NFAT5: variants seen among roughly 807,000 people sequenced by gnomAD.
The protein encoded by NFAT5 is nuclear factor of activated T-cells 5.
In NFAT5, 31 loss-of-function variants were observed where a neutral mutation model predicts 166.5. That is an observed-to-expected ratio of 0.19 (90% CI 0.14 to 0.25). The LOEUF (loss-of-function observed/expected upper bound fraction) is 0.25. Ranked by LOEUF, NFAT5 falls within the 10% of genes least tolerant of loss-of-function variation. The pLI is 1.00. For synonymous variants in NFAT5, 612 were observed against 639.7 expected (o/e 0.96, Z 0.65); for missense variants, 1,449 against 1,821.8 (o/e 0.80, Z 3.72).
rs1158095809 is a variant in NFAT5 at position 69,693,780 on chromosome 16, C to G, written c.3955C>G (p.Gln1319Glu). The G allele has an allele frequency of 1.2e-6, 2 of 1,614,222 alleles. No homozygotes were observed. Among genetic ancestry groups the G allele is most frequent in the Non-Finnish European group, 1.7e-6 (2 of 1,180,040 alleles). ...FNPNQNPMANQEQQNQSIFHQ... is the reference protein window; with the variant it reads ...FNPNQNPMANEEQQNQSIFHQ... ...CCCAAATCAAAATCCAATGGCTAATCAGGAGCAACAGAACCAGTCAATTTT... is the reference window on the plus strand; with the variant it reads ...CCCAAATCAAAATCCAATGGCTAATGAGGAGCAACAGAACCAGTCAATTTT... Residue 1319 changes from glutamine to glutamate, a missense_variant, in exon 13 of 15, where the codon CAG becomes GAG. Gln to Glu is a conservative substitution (Grantham distance 29). Transcript: ENST00000349945.
chr16:69,662,328 T>C (rs1316896316), intron 7 of NFAT5, among the ~76,000 whole-genome samples: 7 of 152,162 alleles, frequency 4.6e-5, no homozygotes, highest in African/African-American at 1.7e-4. Context: ...TGTATAAATA[T>C]GCTCCCTGGA....
chr16:69,684,255 CAAAAAA>C (rs558716074), intron 10 of NFAT5, among the ~76,000 whole-genome samples: 1 of 84,448 alleles, frequency 1.2e-5, no homozygotes. Context: ...GAGACTGCCT[CAAAAAA>C]AAAAAAAAAA....
intron 2 of NFAT5, among the ~76,000 whole-genome samples, chr16:69,614,049 A>C (rs2033823739): frequency 6.6e-6 from 1 of 152,222 alleles, no homozygotes; most frequent in South Asian, 2.1e-4. Flanking sequence ...TTTTCAACTA[A>C]AATATTTGGT....
At chr16:69,694,502 G>T (rs1433238103) in intron 13 of NFAT5, among the ~76,000 whole-genome samples, 2 of 152,098 alleles carry the variant, frequency 1.3e-5, no homozygotes, top group African/African-American at 4.8e-5. Context: ...TGATCCGCTG[G>T]CCTCGGCCTC....
At chr16:69,567,953 T>G (rs959349688) in intron 1 of NFAT5, among the ~76,000 whole-genome samples, 1 of 152,152 alleles carries the variant, frequency 6.6e-6, no homozygotes, top group African/African-American at 2.4e-5. Flanking sequence ...TCGAGACCAA[T>G]GTAGAGACAA....
At chr16:69,677,087 T>C (rs1482069775) in intron 9 of NFAT5, 116 bp from the exon 10 acceptor site, 1 of 992,488 alleles carries the variant, frequency 1.0e-6, no homozygotes, top group East Asian at 2.7e-5. Flanking sequence ...TAAAATGCAT[T>C]CTTTTTTTTT....
At chr16:69,654,887 A>G (rs759854050) in intron 5 of NFAT5, among the ~76,000 whole-genome samples, 1 of 152,206 alleles carries the variant, frequency 6.6e-6, no homozygotes, top group Non-Finnish European at 1.5e-5. Context: ...TCTGCATTCT[A>G]TATTAGGAGC....
At chr16:69,568,334 G>GTATATATATATA (rs371948858) in intron 1 of NFAT5, among the ~76,000 whole-genome samples, 161 bp from the exon 2 acceptor site, 1 of 133,428 alleles carries the variant, frequency 7.5e-6, no homozygotes, top group East Asian at 2.4e-4. Flanking sequence ...ATGTATGTGT[G>GTATATATATATA]TATATATATA....
At chr16:69,604,164 C>G (rs1338475868) in intron 2 of NFAT5, among the ~76,000 whole-genome samples, 1 of 152,102 alleles carries the variant, frequency 6.6e-6, no homozygotes, top group Non-Finnish European at 1.5e-5. Flanking sequence ...AGCAGCAGAG[C>G]TGGGATTTAA....
At chr16:69,636,807 G>A (rs1254122551) in intron 3 of NFAT5, among the ~76,000 whole-genome samples, 2 of 152,110 alleles carry the variant, frequency 1.3e-5, no homozygotes, top group Non-Finnish European at 2.9e-5. Flanking sequence ...TGATGGGAGG[G>A]GCTGCCACAA....
chr16:69,593,116 A>G (rs1304084413), intron 2 of NFAT5, among the ~76,000 whole-genome samples: 4 of 152,204 alleles, frequency 2.6e-5, no homozygotes, highest in East Asian at 1.9e-4. Context: ...TTATGTATAT[A>G]CATACTCTTA....
intron 4 of NFAT5, among the ~76,000 whole-genome samples, chr16:69,650,283 CTT>C (rs1372341208): frequency 6.6e-6 from 1 of 151,984 alleles, no homozygotes; most frequent in East Asian, 1.9e-4. Flanking sequence ...CTGACTGCTA[CTT>C]TATTTTTTCT....
At chr16:69,568,374 G>A (rs1194137234) in intron 1 of NFAT5, 121 bp from the exon 2 acceptor site, 10 of 359,264 alleles carry the variant, frequency 2.8e-5, no homozygotes, top group East Asian at 1.3e-4. Context: ...GTGTGTGTGT[G>A]TGTATATATA....
At chr16:69,626,553 A>G (rs780928194) in intron 3 of NFAT5, 25 bp downstream of exon 3, 29 of 1,503,812 alleles carry the variant, frequency 1.9e-5, no homozygotes, top group Non-Finnish European at 2.5e-5. Flanking sequence ...TTACTTTATT[A>G]AAGAAAACTA....
At chr16:69,636,341 G>T (rs1010580169) in intron 3 of NFAT5, among the ~76,000 whole-genome samples, 9 of 152,162 alleles carry the variant, frequency 5.9e-5, no homozygotes, top group African/African-American at 2.2e-4. Context: ...GCATGATGCA[G>T]GTTGTCAGTG....
At chr16:69,606,130 A>C (rs1216402855) in intron 2 of NFAT5, among the ~76,000 whole-genome samples, 1 of 152,194 alleles carries the variant, frequency 6.6e-6, no homozygotes. Context: ...TTGCCTCTGG[A>C]AAGGGCTATA....
intron 3 of NFAT5, among the ~76,000 whole-genome samples, chr16:69,630,195 G>A (rs1831932608): frequency 6.6e-6 from 1 of 151,856 alleles, no homozygotes; most frequent in African/African-American, 2.4e-5. Flanking sequence ...GCTGATTTTT[G>A]TGTTTTTTGT....
intron 11 of NFAT5, among the ~76,000 whole-genome samples, chr16:69,687,131 G>A (rs1183545064): frequency 2.0e-5 from 3 of 152,052 alleles, no homozygotes; most frequent in Admixed American, 6.6e-5. Flanking sequence ...TGTTTTTGGT[G>A]GGACTAGACT....
intron 4 of NFAT5, among the ~76,000 whole-genome samples, chr16:69,649,967 T>TA (rs60569484): frequency 3.0e-4 from 44 of 146,952 alleles, no homozygotes; most frequent in Admixed American, 6.8e-4. Flanking sequence ...ATAAAACCAT[T>TA]AAAAAAAAAA....
Sources: gnomAD v4.1 joint callset for allele counts (sites outside exome capture counted in the v4.1 genomes callset) on GRCh38, gnomAD v4.1.1 for gene constraint, MANE v1.5 for transcripts, NCBI Gene and HGNC (gene_info 2026-07-23, HGNC 2026-07-21) for gene names.